NR2F1-AS1: variants seen among roughly 807,000 people sequenced by gnomAD.
NR2F1-AS1 encodes the protein NR2F1 antisense RNA 1.
chr5:93,436,346 T>G (rs920148740), intron 4 of NR2F1-AS1, among the ~76,000 whole-genome samples: 25 of 152,106 alleles, frequency 1.6e-4, no homozygotes, highest in Non-Finnish European at 3.1e-4. Flanking sequence ...AACATACAAT[T>G]CAAAGTGACT....
At chr5:93,516,463 C>T (rs1487983876) in intron 4 of NR2F1-AS1, among the ~76,000 whole-genome samples, 1 of 151,848 alleles carries the variant, frequency 6.6e-6, no homozygotes, top group Non-Finnish European at 1.5e-5. Flanking sequence ...TATCCCTTCC[C>T]ATTCTAAAGA....
At chr5:93,452,819 T>C (rs1396401326) in intron 4 of NR2F1-AS1, among the ~76,000 whole-genome samples, 1 of 151,976 alleles carries the variant, frequency 6.6e-6, no homozygotes, top group Non-Finnish European at 1.5e-5. Flanking sequence ...AATGAAAGGA[T>C]AAAACTGACC....
At chr5:93,453,756 AAT>A (rs1258535730) in intron 4 of NR2F1-AS1, among the ~76,000 whole-genome samples, 3 of 152,166 alleles carry the variant, frequency 2.0e-5, no homozygotes, top group African/African-American at 7.2e-5. Context: ...TACAGGAAAA[AAT>A]ATATCTTTTA....
intron 4 of NR2F1-AS1, among the ~76,000 whole-genome samples, chr5:93,523,330 A>G (rs1751543492): frequency 6.6e-6 from 1 of 152,174 alleles, no homozygotes; most frequent in East Asian, 1.9e-4. Context: ...CATCTCTGAA[A>G]GAAAGGCAGC....
At chr5:93,531,113 G>A (rs886175698) in intron 4 of NR2F1-AS1, among the ~76,000 whole-genome samples, 1 of 152,080 alleles carries the variant, frequency 6.6e-6, no homozygotes, top group Non-Finnish European at 1.5e-5. Flanking sequence ...CAGAAGAGAA[G>A]TCTGCTTACC....
At chr5:93,441,202 T>C (rs1168873520) in intron 4 of NR2F1-AS1, among the ~76,000 whole-genome samples, 2 of 152,232 alleles carry the variant, frequency 1.3e-5, no homozygotes, top group Admixed American at 6.5e-5. Context: ...GAAGATAGGA[T>C]GACAGCTAAA....
At chr5:93,489,634 G>T (rs1379682385) in intron 4 of NR2F1-AS1, among the ~76,000 whole-genome samples, 1 of 152,056 alleles carries the variant, frequency 6.6e-6, no homozygotes, top group Non-Finnish European at 1.5e-5. Context: ...CACAATAGAA[G>T]TGAGACAGCC....
chr5:93,498,732 A>G (rs1751015919), intron 4 of NR2F1-AS1, among the ~76,000 whole-genome samples: 1 of 152,164 alleles, frequency 6.6e-6, no homozygotes. Flanking sequence ...AGAAGAGAAC[A>G]CAAGTAAAAG....
chr5:93,524,368 A>C (rs1023679628), intron 4 of NR2F1-AS1, among the ~76,000 whole-genome samples: 1 of 152,186 alleles, frequency 6.6e-6, no homozygotes, highest in African/African-American at 2.4e-5. Context: ...GAATAGACCA[A>C]ACCTGCGTTT....
chr5:93,511,644 C>A (rs1230764393), intron 4 of NR2F1-AS1, among the ~76,000 whole-genome samples: 1 of 152,120 alleles, frequency 6.6e-6, no homozygotes, highest in Non-Finnish European at 1.5e-5. Context: ...AAATCCCAAG[C>A]CATGGACCAG....
chr5:93,441,093 G>A (rs1185170430), intron 4 of NR2F1-AS1, among the ~76,000 whole-genome samples: 1 of 152,118 alleles, frequency 6.6e-6, no homozygotes, highest in Non-Finnish European at 1.5e-5. Context: ...ATAAAGTATT[G>A]TGATTATAGA....
intron 4 of NR2F1-AS1, among the ~76,000 whole-genome samples, chr5:93,513,193 G>T (rs556888621): frequency 1.4e-4 from 22 of 152,268 alleles, no homozygotes; most frequent in African/African-American, 4.8e-4. Flanking sequence ...AGAGAAAAGG[G>T]AATTTTTATA....
chr5:93,553,126 C>CTTTT (rs759720424), intron 4 of NR2F1-AS1, among the ~76,000 whole-genome samples: 1 of 133,766 alleles, frequency 7.5e-6, no homozygotes. Flanking sequence ...CAGTAATACA[C>CTTTT]TTTTTTTTTT....
chr5:93,524,121 C>T (rs768196708), intron 4 of NR2F1-AS1, among the ~76,000 whole-genome samples: 26 of 151,738 alleles, frequency 1.7e-4, no homozygotes, highest in Non-Finnish European at 2.5e-4. Context: ...AAAGGTAAGA[C>T]GAATTGCTAA....
chr5:93,576,187 A>C (rs143222889), intron 1 of NR2F1-AS1, among the ~76,000 whole-genome samples: 1 of 152,338 alleles, frequency 6.6e-6, no homozygotes, highest in East Asian at 1.9e-4. Context: ...CAACTAACAC[A>C]AAAGCCCTTT....
At chr5:93,499,253 G>A (rs985661210) in intron 4 of NR2F1-AS1, among the ~76,000 whole-genome samples, 1 of 152,180 alleles carries the variant, frequency 6.6e-6, no homozygotes. Flanking sequence ...ATGGGTGACA[G>A]AAGTACAGGC....
At chr5:93,499,691 A>G (rs1751038503) in intron 4 of NR2F1-AS1, among the ~76,000 whole-genome samples, 1 of 152,170 alleles carries the variant, frequency 6.6e-6, no homozygotes, top group South Asian at 2.1e-4. Context: ...AGTGAAAGGA[A>G]GAGTCTCACA....
chr5:93,455,826 G>T (rs1345353707), intron 4 of NR2F1-AS1, among the ~76,000 whole-genome samples: 1 of 148,382 alleles, frequency 6.7e-6, no homozygotes, highest in African/African-American at 2.6e-5. Context: ...AATTTACCAT[G>T]TTAACTACAC....
At chr5:93,441,516 C>A (rs1460807097) in intron 4 of NR2F1-AS1, among the ~76,000 whole-genome samples, 1 of 152,154 alleles carries the variant, frequency 6.6e-6, no homozygotes, top group Admixed American at 6.5e-5. Flanking sequence ...AGTCGGTTGC[C>A]CCCAGTTTAA....
Sources: allele counts gnomAD v4.1 joint callset (sites outside exome capture counted in the v4.1 genomes callset), GRCh38; gene constraint gnomAD v4.1.1; transcripts MANE v1.5; gene names NCBI Gene and HGNC (gene_info 2026-07-23, HGNC 2026-07-21).